Variants in UNC5C observed in about 807,000 individuals in gnomAD.
The protein encoded by UNC5C is netrin receptor UNC5C.
UNC5C carries 47 observed loss-of-function variants against 99.8 expected under a neutral mutation model. That is an observed-to-expected ratio of 0.47 (90% CI 0.37 to 0.60). UNC5C has a LOEUF of 0.60. Among genes scored for constraint, UNC5C ranks in the 20% least tolerant of loss-of-function variants. The probability of loss-of-function intolerance (pLI) is 0.00; values close to 1 mark genes in which losing one functional copy is unlikely to be tolerated. For synonymous variants in UNC5C, 487 were observed against 452.2 expected (o/e 1.08, Z -0.98); for missense variants, 1,062 against 1,165.9 (o/e 0.91, Z 1.30).
intron 1 of UNC5C, among the ~76,000 whole-genome samples, chr4:95,361,183 A>C (rs1010882506): frequency 3.3e-5 from 5 of 152,200 alleles, no homozygotes; most frequent in Non-Finnish European, 5.9e-5. Flanking sequence ...TCAAGGTTTC[A>C]TGAAGATGTG....
intron 1 of UNC5C, among the ~76,000 whole-genome samples, chr4:95,354,231 C>T (rs965681255): frequency 1.3e-5 from 2 of 151,642 alleles, no homozygotes; most frequent in Non-Finnish European, 2.9e-5. Flanking sequence ...TGACTAAGTC[C>T]CCCTGTGGTT....
In UNC5C at chr4:95,196,422, A is replaced by G. The variant is rs376287002; in HGVS notation, c.2136+6309T>C. Among the ~76,000 whole-genome samples the G allele has an allele frequency of 2.0e-5, 3 of 152,226 alleles. No individual in the cohort carries two copies. The South Asian group carries it at 6.2e-4, about 32-fold the overall frequency. ...GAGCATTGCTCCCAGTGGTCCTTCAAGCACATGCACAGGAAAAAGCCCTCC... is the reference window on the plus strand; with the variant it reads ...GAGCATTGCTCCCAGTGGTCCTTCAGGCACATGCACAGGAAAAAGCCCTCC... On this transcript the variant is annotated intron_variant, in intron 12 of 15. Transcript: ENST00000453304.
At chr4:95,378,836 A>G (rs193295393) in intron 1 of UNC5C, among the ~76,000 whole-genome samples, 3 of 152,320 alleles carry the variant, frequency 2.0e-5, no homozygotes, top group Admixed American at 1.3e-4. Context: ...GTTGCTTAGA[A>G]GTAGTTGATT....
At chr4:95,540,008 T>C (rs1057511327) in intron 1 of UNC5C, among the ~76,000 whole-genome samples, 1 of 152,084 alleles carries the variant, frequency 6.6e-6, no homozygotes, top group African/African-American at 2.4e-5. Context: ...GATTTATATA[T>C]GTGTGTATAA....
At chr4:95,470,622 C>G (rs1191195885) in intron 1 of UNC5C, among the ~76,000 whole-genome samples, 2 of 152,056 alleles carry the variant, frequency 1.3e-5, no homozygotes, top group African/African-American at 4.8e-5. Flanking sequence ...TGGCAATAAA[C>G]TTAAGCGTGA....
At chr4:95,288,931 G>C (rs531597680) in intron 3 of UNC5C, among the ~76,000 whole-genome samples, 1 of 152,280 alleles carries the variant, frequency 6.6e-6, no homozygotes, top group African/African-American at 2.4e-5. Flanking sequence ...AAATTCCAGA[G>C]ATTAGGACCT....
chr4:95,199,295 A>G (rs1282265949), intron 12 of UNC5C, among the ~76,000 whole-genome samples: 1 of 152,146 alleles, frequency 6.6e-6, no homozygotes, highest in East Asian at 1.9e-4. Context: ...TTCCAATTCA[A>G]GCGTGGGTGT....
intron 7 of UNC5C, among the ~76,000 whole-genome samples, chr4:95,234,596 C>G (rs1021485666): frequency 4.6e-5 from 7 of 152,030 alleles, no homozygotes; most frequent in Admixed American, 1.3e-4. Flanking sequence ...CTTATGAACC[C>G]AAAATGTCCA....
chr4:95,428,918 T>A (rs971721422), intron 1 of UNC5C, among the ~76,000 whole-genome samples: 1 of 152,108 alleles, frequency 6.6e-6, no homozygotes, highest in African/African-American at 2.4e-5. Context: ...ACCATTCTGT[T>A]TCCAGCACCA....
chr4:95,218,191 G>T (rs987854345), intron 9 of UNC5C, among the ~76,000 whole-genome samples: 2 of 152,148 alleles, frequency 1.3e-5, no homozygotes, highest in African/African-American at 4.8e-5. Flanking sequence ...TTGCCCAAAA[G>T]AATTAGATAG....
At chr4:95,542,147 C>T (rs1237154760) in intron 1 of UNC5C, among the ~76,000 whole-genome samples, 3 of 152,188 alleles carry the variant, frequency 2.0e-5, no homozygotes, top group Non-Finnish European at 2.9e-5. Flanking sequence ...GGTGTTAAAT[C>T]TGAGTAATCA....
intron 1 of UNC5C, among the ~76,000 whole-genome samples, chr4:95,418,823 G>A (rs1746240828): frequency 1.3e-5 from 2 of 152,118 alleles, no homozygotes. Flanking sequence ...ATCACAATCA[G>A]GGGCCAATAC....
chr4:95,199,932 C>T (rs1386807145), intron 12 of UNC5C, among the ~76,000 whole-genome samples: 2 of 152,188 alleles, frequency 1.3e-5, no homozygotes, highest in Non-Finnish European at 2.9e-5. Context: ...TTAAGCTTTA[C>T]ATTAGAGCTG....
chr4:95,509,556 C>T (rs1213675546), intron 1 of UNC5C, among the ~76,000 whole-genome samples: 2 of 151,786 alleles, frequency 1.3e-5, no homozygotes, highest in Admixed American at 6.6e-5. Flanking sequence ...GATTAAATGC[C>T]TGTTGCTTAA....
intron 1 of UNC5C, among the ~76,000 whole-genome samples, chr4:95,433,812 T>C (rs1238022097): frequency 1.3e-5 from 2 of 152,116 alleles, no homozygotes; most frequent in African/African-American, 4.8e-5. Flanking sequence ...GGCTCCAGCC[T>C]GTTTCTCTAC....
intron 1 of UNC5C, among the ~76,000 whole-genome samples, chr4:95,500,494 T>C (rs577300268): frequency 2.6e-5 from 4 of 152,262 alleles, no homozygotes; most frequent in South Asian, 2.1e-4. Context: ...ATAAGTTTTT[T>C]CCTAACCTTT....
intron 1 of UNC5C, among the ~76,000 whole-genome samples, chr4:95,457,579 C>T (rs1312606620): frequency 2.0e-5 from 3 of 152,000 alleles, no homozygotes; most frequent in African/African-American, 7.2e-5. Context: ...CCCATTTGCC[C>T]GCATTTAATG....
intron 2 of UNC5C, among the ~76,000 whole-genome samples, chr4:95,316,690 C>T (rs1742489052): frequency 6.6e-6 from 1 of 152,194 alleles, no homozygotes. Flanking sequence ...AGCTTGTATT[C>T]CAACTTCTGT....
intron 1 of UNC5C, among the ~76,000 whole-genome samples, chr4:95,356,204 A>AAAAC (rs1744185439): frequency 2.2e-5 from 3 of 138,200 alleles, no homozygotes; most frequent in South Asian, 4.7e-4. Context: ...AAAAAAAAAA[A>AAAAC]AAAAAAAACA....
Sources: gnomAD v4.1 joint callset for allele counts (sites outside exome capture counted in the v4.1 genomes callset) on GRCh38, gnomAD v4.1.1 for gene constraint, MANE v1.5 for transcripts, NCBI Gene and HGNC (gene_info 2026-07-23, HGNC 2026-07-21) for gene names.